HTR1E: variants seen among roughly 807,000 people sequenced by gnomAD.
HTR1E encodes the protein 5-HT-1E.
In HTR1E, 3 loss-of-function variants were observed where a neutral mutation model predicts 3.4. That is an observed-to-expected ratio of 0.89 (90% CI 0.41 to 2.31). The LOEUF (loss-of-function observed/expected upper bound fraction) is 2.31. Among genes scored for constraint, HTR1E ranks in the 30% most tolerant of loss-of-function variants. The pLI is 0.05. For missense variants in HTR1E, 392 were observed against 467.0 expected, an observed-to-expected ratio of 0.84 and a Z score of 1.48; for synonymous variants, 170 against 182.8, an observed-to-expected ratio of 0.93 and a Z score of 0.56.
At chr6:86,990,152 G>C (rs1562068825) in intron 1 of HTR1E, among the ~76,000 whole-genome samples, 1 of 152,210 alleles carries the variant, frequency 6.6e-6, no homozygotes, top group Non-Finnish European at 1.5e-5. Context: ...AGGGAGCCCA[G>C]TTCTTCTCTG....
intron 1 of HTR1E, among the ~76,000 whole-genome samples, chr6:86,974,787 T>A (rs535497944): frequency 6.6e-6 from 1 of 152,218 alleles, no homozygotes; most frequent in Non-Finnish European, 1.5e-5. Flanking sequence ...TTTATTTTAT[T>A]CTATAAGCTC....
intron 1 of HTR1E, among the ~76,000 whole-genome samples, chr6:86,949,849 C>A (rs1767201292): frequency 6.6e-6 from 1 of 151,960 alleles, no homozygotes; most frequent in African/African-American, 2.4e-5. Context: ...TTTTAATATA[C>A]CTTCCTATTA....
At chr6:87,012,847 G>A (rs1331828589) in intron 1 of HTR1E, among the ~76,000 whole-genome samples, 1 of 152,182 alleles carries the variant, frequency 6.6e-6, no homozygotes, top group Non-Finnish European at 1.5e-5. Context: ...TAACGTTAAA[G>A]AACATGCTTA....
chr6:87,003,707 C>T (rs1768057783), intron 1 of HTR1E, among the ~76,000 whole-genome samples: 1 of 151,382 alleles, frequency 6.6e-6, no homozygotes, highest in African/African-American at 2.4e-5. Flanking sequence ...ATGTCTTATA[C>T]AACTAGAAAA....
chr6:86,963,240 A>C (rs1056585416), intron 1 of HTR1E, among the ~76,000 whole-genome samples: 1 of 152,212 alleles, frequency 6.6e-6, no homozygotes, highest in Non-Finnish European at 1.5e-5. Flanking sequence ...CATAGGAAAA[A>C]GCTTATAAAA....
intron 1 of HTR1E, among the ~76,000 whole-genome samples, chr6:86,939,868 T>G (rs996876099): frequency 6.6e-6 from 1 of 152,232 alleles, no homozygotes; most frequent in Non-Finnish European, 1.5e-5. Flanking sequence ...GTGCCTACCT[T>G]GCAACTCAGC....
chr6:86,994,002 C>T (rs1337208605), intron 1 of HTR1E, among the ~76,000 whole-genome samples: 1 of 152,026 alleles, frequency 6.6e-6, no homozygotes, highest in Non-Finnish European at 1.5e-5. Flanking sequence ...AATTAAAGAG[C>T]TCAGTTTATG....
intron 1 of HTR1E, among the ~76,000 whole-genome samples, chr6:87,005,495 A>G (rs1485404140): frequency 2.0e-5 from 3 of 152,174 alleles, no homozygotes; most frequent in African/African-American, 4.8e-5. Flanking sequence ...GGAAAGAACA[A>G]TATCTTCAAT....
chr6:87,010,218 G>A (rs1768191544), intron 1 of HTR1E, among the ~76,000 whole-genome samples: 1 of 109,308 alleles, frequency 9.1e-6, no homozygotes, highest in Non-Finnish European at 1.8e-5. Context: ...CGGATGGGGT[G>A]GCTGGCCGGG....
intron 1 of HTR1E, among the ~76,000 whole-genome samples, chr6:86,942,343 T>C (rs1165448742): frequency 2.0e-5 from 3 of 152,238 alleles, no homozygotes; most frequent in Non-Finnish European, 1.5e-5. Flanking sequence ...TATACTTACT[T>C]AAGTACCTTA....
At chr6:86,999,713 T>C (rs1443880775) in intron 1 of HTR1E, among the ~76,000 whole-genome samples, 1 of 152,194 alleles carries the variant, frequency 6.6e-6, no homozygotes, top group Non-Finnish European at 1.5e-5. Flanking sequence ...GGAATAGCGC[T>C]TGGGAAATGC....
At chr6:86,998,762 T>G (rs1767978030) in intron 1 of HTR1E, among the ~76,000 whole-genome samples, 1 of 151,980 alleles carries the variant, frequency 6.6e-6, no homozygotes, top group African/African-American at 2.4e-5. Flanking sequence ...ATAGAAGAAA[T>G]TAAGTCATTC....
At chr6:86,996,976 T>C (rs993246168) in intron 1 of HTR1E, among the ~76,000 whole-genome samples, 6 of 151,848 alleles carry the variant, frequency 4.0e-5, no homozygotes, top group African/African-American at 9.7e-5. Flanking sequence ...AACAAAATAT[T>C]ATCAAAAGAA....
intron 1 of HTR1E, among the ~76,000 whole-genome samples, chr6:87,008,775 T>C (rs1768156273): frequency 6.6e-6 from 1 of 152,286 alleles, no homozygotes; most frequent in East Asian, 1.9e-4. Flanking sequence ...TTAAACCTCT[T>C]AAATTAAAAT....
Position 87,016,491 on chromosome 6 carries a change from G to A in HTR1E, c.*59G>A, listed in dbSNP as rs1274384849. ...GAGCCTCATGAGTGGATGGGGGTAA[G>A]GGGTGCAACTTATTAATTCTTGAAC... On this transcript the variant is annotated 3_prime_UTR_variant, in exon 2 of 2. Coordinates refer to ENST00000305344, the MANE Select transcript of HTR1E (RefSeq NM_000865.3). The A allele has an allele frequency of 6.4e-6, 9 of 1,409,326 alleles. No individual in the cohort carries two copies. Among genetic ancestry groups the A allele is most frequent in the Middle Eastern group, 1.9e-4 (1 of 5,212 alleles). The allele number at this position is 1,409,326 out of a possible 1,614,324, so 87.3% of individuals were successfully genotyped here.
chr6:86,958,560 T>C (rs1252575002), intron 1 of HTR1E, among the ~76,000 whole-genome samples: 1 of 152,160 alleles, frequency 6.6e-6, no homozygotes, highest in Non-Finnish European at 1.5e-5. Flanking sequence ...ATCAATCTTG[T>C]TCAGTTTTCA....
intron 1 of HTR1E, among the ~76,000 whole-genome samples, chr6:86,980,393 A>AAAAAAAAAT: frequency 6.7e-6 from 1 of 149,792 alleles, no homozygotes; most frequent in African/African-American, 2.5e-5. Context: ...TCTCAAAAAA[A>AAAAAAAAAT]AAAAAAAGAA....
chr6:86,977,657 C>A (rs577252964), intron 1 of HTR1E, among the ~76,000 whole-genome samples: 1 of 152,092 alleles, frequency 6.6e-6, no homozygotes, highest in South Asian at 2.1e-4. Flanking sequence ...AGTGTGTAAG[C>A]GTTCCCTTTT....
intron 1 of HTR1E, among the ~76,000 whole-genome samples, chr6:86,979,549 T>G (rs1767682892): frequency 1.3e-5 from 2 of 152,198 alleles, no homozygotes. Flanking sequence ...AGTGGTGGTA[T>G]ATATATTTGA....
Sources: gnomAD v4.1 joint callset for allele counts (sites outside exome capture counted in the v4.1 genomes callset) on GRCh38, gnomAD v4.1.1 for gene constraint, MANE v1.5 for transcripts, NCBI Gene and HGNC (gene_info 2026-07-23, HGNC 2026-07-21) for gene names.